Variants in CCDC138 observed in about 807,000 individuals in gnomAD.
The protein encoded by CCDC138 is coiled-coil domain containing 138, also known as coiled-coil domain-containing protein 138.
Under a neutral mutation model 82.3 loss-of-function variants are expected in CCDC138, and 66 were observed. The observed-to-expected ratio is 0.80, with a 90% CI of 0.66 to 0.98. The LOEUF is 0.98. Ranked by LOEUF, CCDC138 falls within the 50% of genes least tolerant of loss-of-function variation. The pLI, the probability that CCDC138 is intolerant of heterozygous loss-of-function variation, is 0.00. For missense variants in CCDC138, 816 were observed against 758.9 expected (o/e 1.08, Z -0.88); for synonymous variants, 297 against 265.4 (o/e 1.12, Z -1.16).
At chr2:108,861,025 C>T (rs1329018759) in intron 13 of CCDC138, among the ~76,000 whole-genome samples, 1 of 125,086 alleles carries the variant, frequency 8.0e-6, no homozygotes, top group Non-Finnish European at 1.6e-5. Flanking sequence ...TTCAGGGTTT[C>T]AATTTCTTCC....
At position 108,860,935 on chromosome 2, in the gene CCDC138, CTTTT is replaced by C. The variant is rs70956282; in HGVS notation, c.1693+3985_1693+3988del. On this transcript the variant is annotated intron_variant, in intron 13 of 14. Coordinates refer to ENST00000295124, the MANE Select transcript of CCDC138 (RefSeq NM_144978.3). Reference sequence around the variant, plus strand: ...GGCTGTGAATCCATCTGGTCCAGGACTTTTTTTTTTTTTTTTTTTTTTTGGTTGG... The same window carrying C: ...GGCTGTGAATCCATCTGGTCCAGGACTTTTTTTTTTTTTTTTTTTGGTTGG... Among the ~76,000 whole-genome samples the C allele has an allele frequency of 4.0e-4, 15 of 37,926 alleles. 1 individual carries two copies. Among genetic ancestry groups the C allele is most frequent in the Admixed American group, 3.0e-3 (6 of 1,986 alleles). The allele number at this position is 37,926 out of a possible 152,430, so 24.9% of individuals were successfully genotyped here.
chr2:108,875,146 T>C (rs142918052), intron 14 of CCDC138, among the ~76,000 whole-genome samples: 2,427 of 151,832 alleles, frequency 0.016, 217 homozygotes, highest in Admixed American at 0.14. Flanking sequence ...ACATAAGAGT[T>C]TGTATTAGGA....
chr2:108,823,231 A>G (rs1164699784), intron 10 of CCDC138, among the ~76,000 whole-genome samples: 1 of 152,168 alleles, frequency 6.6e-6, no homozygotes, highest in Non-Finnish European at 1.5e-5. Flanking sequence ...ATTAACACCC[A>G]TCCTCCTCAT....
At position 108,846,784 on chromosome 2, in the gene CCDC138, T is replaced by C. The variant is rs1384608020; in HGVS notation, c.1370T>C (p.Phe457Ser). ...STLRRLGEDI[F>S]KGVVTKGIQD... ...TTGAGGAGATTGGGTGAAGACATTTTTAAAGGAGTGGTAACTAAAGGAATT... is the reference window on the plus strand; with the variant it reads ...TTGAGGAGATTGGGTGAAGACATTTCTAAAGGAGTGGTAACTAAAGGAATT... Residue 457 changes from phenylalanine (F) to serine (S), a missense_variant, in exon 12 of 15, where the codon TTT (phenylalanine) becomes TCT (serine). Coordinates refer to ENST00000295124, the MANE Select transcript of CCDC138 (RefSeq NM_144978.3). 6.2e-7 allele frequency: 1 copy of C among 1,613,040 alleles called. No homozygotes were observed. The highest frequency in any genetic ancestry group is 8.5e-7 in the Non-Finnish European group (1 of 1,179,248).
intron 10 of CCDC138, among the ~76,000 whole-genome samples, chr2:108,837,401 T>C (rs1688748681): frequency 6.6e-6 from 1 of 152,234 alleles, no homozygotes; most frequent in African/African-American, 2.4e-5. Context: ...TCATGGCGTA[T>C]AATCCCTTTT....
At chr2:108,794,176 CACTT>C (rs1382689798) in intron 4 of CCDC138, among the ~76,000 whole-genome samples, 11 of 152,158 alleles carry the variant, frequency 7.2e-5, no homozygotes, top group Non-Finnish European at 1.5e-4. Flanking sequence ...CAGCATGTAA[CACTT>C]ACTTGCATTA....
At chr2:108,789,960 A>G (rs1434004618) in intron 3 of CCDC138, among the ~76,000 whole-genome samples, 1 of 152,256 alleles carries the variant, frequency 6.6e-6, no homozygotes, top group Non-Finnish European at 1.5e-5. Context: ...CATATATAAC[A>G]TGAAATGTTG....
chr2:108,800,426 G>A (rs866753827), intron 6 of CCDC138, among the ~76,000 whole-genome samples: 3 of 151,580 alleles, frequency 2.0e-5, no homozygotes, highest in Non-Finnish European at 2.9e-5. Context: ...CACCATGCCC[G>A]GCTAATTTTT....
chr2:108,868,831 A>G (rs1010505057), intron 13 of CCDC138, among the ~76,000 whole-genome samples: 2 of 152,250 alleles, frequency 1.3e-5, no homozygotes, highest in African/African-American at 2.4e-5. Flanking sequence ...TTGGGCAGAA[A>G]CAAAGAATCT....
intron 9 of CCDC138, among the ~76,000 whole-genome samples, chr2:108,815,257 CTT>C (rs1405537042): frequency 1.3e-5 from 2 of 151,864 alleles, no homozygotes; most frequent in Non-Finnish European, 2.9e-5. Context: ...TTTTTAGAGT[CTT>C]TTAATTGTGG....
intron 13 of CCDC138, among the ~76,000 whole-genome samples, chr2:108,866,225 A>G (rs1694389676): frequency 2.0e-5 from 3 of 152,164 alleles, no homozygotes; most frequent in Non-Finnish European, 2.9e-5. Context: ...TGCCATCTTG[A>G]TGATGTCATC....
intron 11 of CCDC138, among the ~76,000 whole-genome samples, chr2:108,845,628 G>A (rs1447201915): frequency 1.4e-5 from 2 of 146,002 alleles, no homozygotes; most frequent in African/African-American, 5.1e-5. Flanking sequence ...CTGGAGTGCA[G>A]TGGTGCGACC....
rs928893762 is a variant in CCDC138, at chr2:108,876,411, G to A, written c.*158G>A. On this transcript the variant is annotated 3_prime_UTR_variant, in exon 15 of 15. Transcript: ENST00000295124. Reference sequence around the variant, plus strand: ...AACTGTAAAAATGAAATCTGTAGAAGGTATTGGAACTTTTGGAATGTTTCA... The same window carrying A: ...AACTGTAAAAATGAAATCTGTAGAAAGTATTGGAACTTTTGGAATGTTTCA... 1.1e-5 allele frequency: 5 copies of A among 458,370 alleles called. No individual in the cohort carries two copies. Among genetic ancestry groups the A allele is most frequent in the African/African-American group, 7.9e-5 (4 of 50,590 alleles). 28.4% of individuals were successfully genotyped at this position (458,370 alleles called of 1,614,324 possible). A position where few individuals can be genotyped will look rare whatever the true frequency, so the allele number is the denominator to read the frequency against.
chr2:108,853,859 T>TTGC (rs1691966597), intron 12 of CCDC138, among the ~76,000 whole-genome samples: 1 of 128,828 alleles, frequency 7.8e-6, no homozygotes, highest in East Asian at 2.0e-4. Context: ...ATACTATATA[T>TTGC]ATAATATATA....
Position 108,853,873 on chromosome 2 carries a change from T to C in CCDC138, c.1517-2921T>C, listed in dbSNP as rs539150455. 5.6e-5 allele frequency among the ~76,000 whole-genome samples: 7 copies of C among 125,448 alleles called. No homozygotes were observed. In the East Asian group the frequency reaches 1.2e-3, roughly 22 times the overall value. 82.3% of individuals were successfully genotyped at this position (125,448 alleles called of 152,430 possible). On this transcript the variant is annotated intron_variant, in intron 12 of 14. Transcript: ENST00000295124. ...TATACTATATATATAATATATATAC[T>C]ATATAATATATTATATAGTATATAT... is the stretch of plus-strand genomic sequence containing the variant.
chr2:108,794,742 C>A, intron 5 of CCDC138, 21 bp downstream of exon 5: 2 of 1,514,116 alleles, frequency 1.3e-6, no homozygotes, highest in Non-Finnish European at 9.1e-7. Context: ...AATACTGAAT[C>A]GAGAATTCAG....
intron 3 of CCDC138, among the ~76,000 whole-genome samples, chr2:108,791,207 T>C (rs1430876927): frequency 6.6e-6 from 1 of 152,224 alleles, no homozygotes; most frequent in Non-Finnish European, 1.5e-5. Flanking sequence ...ATATTGCTTT[T>C]GAACAATACT....
At chr2:108,824,093 G>A (rs1686168133) in intron 10 of CCDC138, among the ~76,000 whole-genome samples, 1 of 152,104 alleles carries the variant, frequency 6.6e-6, no homozygotes, top group Admixed American at 6.6e-5. Flanking sequence ...GAGTGAGTGT[G>A]AAAGTCTAAG....
At chr2:108,793,465 T>C (rs1680289984) in intron 4 of CCDC138, among the ~76,000 whole-genome samples, 1 of 152,166 alleles carries the variant, frequency 6.6e-6, no homozygotes, top group African/African-American at 2.4e-5. Flanking sequence ...CCTACTGCTG[T>C]TGGGAGAGTA....
Sources: gnomAD v4.1 joint callset for allele counts (sites outside exome capture counted in the v4.1 genomes callset) on GRCh38, gnomAD v4.1.1 for gene constraint, MANE v1.5 for transcripts, NCBI Gene and HGNC (gene_info 2026-07-23, HGNC 2026-07-21) for gene names.